Variants in KIAA1217 observed in about 807,000 individuals in gnomAD.
The protein encoded by KIAA1217 is sickle tail protein homolog.
KIAA1217 carries 88 observed loss-of-function variants against 163.9 expected under a neutral mutation model. That is an observed-to-expected ratio of 0.54 (90% confidence interval 0.45 to 0.64). The LOEUF (loss-of-function observed/expected upper bound fraction) is 0.64. KIAA1217 is among the 30% of genes least tolerant of loss of function. The pLI is 0.00. For missense variants in KIAA1217, 2,372 were observed against 2,475.0 expected (o/e 0.96, Z 0.88); for synonymous variants, 903 against 923.1 (o/e 0.98, Z 0.39).
intron 1 of KIAA1217, among the ~76,000 whole-genome samples, chr10:23,889,756 A>C (rs1224027316): frequency 6.6e-6 from 1 of 151,862 alleles, no homozygotes; most frequent in East Asian, 1.9e-4. Flanking sequence ...TCAATGACCT[A>C]CGATAGAGTT....
intron 2 of KIAA1217, among the ~76,000 whole-genome samples, chr10:24,173,497 C>T (rs2065728827): frequency 6.6e-6 from 1 of 152,198 alleles, no homozygotes; most frequent in East Asian, 1.9e-4. Flanking sequence ...TAAAGCTGAT[C>T]TCTGGTGCCA....
chr10:24,051,364 C>T (rs2131582389), intron 2 of KIAA1217, among the ~76,000 whole-genome samples: 1 of 152,284 alleles, frequency 6.6e-6, no homozygotes, highest in Admixed American at 6.5e-5. Context: ...CTGCTATAAA[C>T]ATCCATGTGC....
chr10:24,002,494 T>A (rs183279976), intron 1 of KIAA1217, among the ~76,000 whole-genome samples: 2 of 152,302 alleles, frequency 1.3e-5, no homozygotes, highest in East Asian at 3.9e-4. Context: ...AGATGCCCAG[T>A]GGGTCCACCA....
At chr10:23,936,294 G>A (rs751246897) in intron 1 of KIAA1217, among the ~76,000 whole-genome samples, 1 of 152,130 alleles carries the variant, frequency 6.6e-6, no homozygotes, top group South Asian at 2.1e-4. Flanking sequence ...GGTAGGGAAA[G>A]GTGGAGTGTA....
At chr10:24,015,069 T>C (rs1847413248) in intron 2 of KIAA1217, among the ~76,000 whole-genome samples, 1 of 152,182 alleles carries the variant, frequency 6.6e-6, no homozygotes, top group Non-Finnish European at 1.5e-5. Flanking sequence ...TATCATTTTC[T>C]GTTGGCTGTC....
chr10:24,193,530 TGGTCA>T (rs1564812002), intron 2 of KIAA1217, among the ~76,000 whole-genome samples: 2 of 152,220 alleles, frequency 1.3e-5, no homozygotes, highest in Admixed American at 6.5e-5. Flanking sequence ...ATCTTCCCCA[TGGTCA>T]GGTCAGATAA....
chr10:23,930,318 T>C (rs993555951), intron 1 of KIAA1217, among the ~76,000 whole-genome samples: 1 of 152,180 alleles, frequency 6.6e-6, no homozygotes, highest in Admixed American at 6.5e-5. Flanking sequence ...TAAATATATA[T>C]ACAGAAAAAT....
At chr10:24,037,828 CAT>C (rs1848461736) in intron 2 of KIAA1217, among the ~76,000 whole-genome samples, 1 of 152,166 alleles carries the variant, frequency 6.6e-6, no homozygotes, top group African/African-American at 2.4e-5. Flanking sequence ...ATAAAAATAA[CAT>C]AGACTCTTCA....
chr10:23,806,843 A>C (rs1836763253), intron 1 of KIAA1217, among the ~76,000 whole-genome samples: 1 of 152,226 alleles, frequency 6.6e-6, no homozygotes, highest in African/African-American at 2.4e-5. Context: ...AAGCTTACAA[A>C]TGCAGTTTCT....
intron 3 of KIAA1217, among the ~76,000 whole-genome samples, chr10:24,392,572 G>C (rs1281910093): frequency 6.6e-6 from 1 of 152,174 alleles, no homozygotes; most frequent in Admixed American, 6.5e-5. Context: ...CAGCTGAAGA[G>C]GAATATTTGA....
At chr10:24,405,258 G>GA (rs2057083250) in intron 3 of KIAA1217, among the ~76,000 whole-genome samples, 1 of 152,020 alleles carries the variant, frequency 6.6e-6, no homozygotes, top group African/African-American at 2.4e-5. Flanking sequence ...GAGTGCCTGC[G>GA]ACCTCCCTGT....
At chr10:24,461,323 T>G in intron 5 of KIAA1217, among the ~76,000 whole-genome samples, 1 of 152,146 alleles carries the variant, frequency 6.6e-6, no homozygotes, top group Non-Finnish European at 1.5e-5. Flanking sequence ...AGCATAACAT[T>G]CTTTTTTTGT....
intron 1 of KIAA1217, among the ~76,000 whole-genome samples, chr10:23,940,175 G>A (rs1170608757): frequency 5.9e-5 from 9 of 151,992 alleles, no homozygotes; most frequent in Non-Finnish European, 1.0e-4. Context: ...AATTTCAGCA[G>A]TTGGCTGAGT....
chr10:23,909,977 TG>T (rs1386013076), intron 1 of KIAA1217, among the ~76,000 whole-genome samples: 3 of 152,180 alleles, frequency 2.0e-5, no homozygotes, highest in Non-Finnish European at 2.9e-5. Context: ...GACTTTTGAA[TG>T]ATCGCCATTC....
At chr10:24,067,801 C>T (rs537944018) in intron 2 of KIAA1217, among the ~76,000 whole-genome samples, 1 of 152,386 alleles carries the variant, frequency 6.6e-6, no homozygotes, top group Non-Finnish European at 1.5e-5. Flanking sequence ...CCAGTTCGAG[C>T]TTCCTGGCCA....
intron 9 of KIAA1217, among the ~76,000 whole-genome samples, chr10:24,512,812 A>G (rs931207994): frequency 2.6e-5 from 4 of 152,206 alleles, no homozygotes; most frequent in African/African-American, 9.7e-5. Flanking sequence ...AGAATGGCCA[A>G]GGAAAGTGGA....
At chr10:24,436,724 C>T (rs1180341305) in intron 4 of KIAA1217, among the ~76,000 whole-genome samples, 1 of 126,332 alleles carries the variant, frequency 7.9e-6, no homozygotes, top group African/African-American at 3.0e-5. Context: ...TGCCACTGCA[C>T]TCCAGCCTGG....
chr10:23,758,626 T>TCTCTC (rs1554787385), intron 1 of KIAA1217, among the ~76,000 whole-genome samples: 1 of 116,916 alleles, frequency 8.6e-6, no homozygotes, highest in Non-Finnish European at 1.7e-5. Flanking sequence ...CTTTCTTACT[T>TCTCTC]TCTCTCTCTC....
rs117747871 is a variant in KIAA1217, at chr10:23,813,982, G to T, written c.-321+118748G>T. On this transcript the variant is annotated intron_variant, in intron 1 of 18. Coordinates refer to the KIAA1217 transcript ENST00000376462. ...CTGTCAATTCAGGATGATGCAGTTC[G>T]CTCAGGAAGTCATAAGTTCTGACAA... Among the ~76,000 whole-genome samples, 71 of 152,212 alleles carry T rather than the reference G, an allele frequency of 4.7e-4. 1 individual carries two copies. In the East Asian group the frequency reaches 0.01, roughly 22 times the overall value.
Sources: allele counts gnomAD v4.1 joint callset (sites outside exome capture counted in the v4.1 genomes callset), GRCh38; gene constraint gnomAD v4.1.1; transcripts MANE v1.5; gene names NCBI Gene and HGNC (gene_info 2026-07-23, HGNC 2026-07-21).